FSTL5: variants seen among roughly 807,000 people sequenced by gnomAD.
The protein encoded by FSTL5 is follistatin like 5, also known as follistatin-related protein 5.
Under a neutral mutation model 89.1 loss-of-function variants are expected in FSTL5, and 62 were observed. The ratio of observed to expected loss-of-function variants is 0.70; its 90% CI spans 0.57 to 0.86. FSTL5 has a LOEUF of 0.86. Among genes scored for constraint, FSTL5 ranks in the 40% least tolerant of loss-of-function variants. The probability of loss-of-function intolerance (pLI) is 0.00; values close to 1 mark genes in which losing one functional copy is unlikely to be tolerated. For missense variants in FSTL5, 1,057 were observed against 1,001.6 expected (o/e 1.06, Z -0.75); for synonymous variants, 383 against 346.2 (o/e 1.11, Z -1.18).
chr4:161,538,128 T>C (rs943343042), intron 10 of FSTL5, 38 bp downstream of exon 10: 1 of 1,601,830 alleles, frequency 6.2e-7, no homozygotes, highest in Admixed American at 1.7e-5. Context: ...GTACGTTGAA[T>C]ATGGTGTGTG....
At position 161,448,100 on chromosome 4, in the gene FSTL5, T is replaced by A. The variant is rs138497304; in HGVS notation, c.1841+6904A>T. 1.9e-3 allele frequency among the ~76,000 whole-genome samples: 287 copies of A among 152,100 alleles called. 1 individual carries two copies. Among genetic ancestry groups the A allele is most frequent in the African/African-American group, 6.8e-3 (282 of 41,500 alleles). On this transcript the variant is annotated intron_variant, in intron 15 of 15. Transcript: ENST00000306100. ...TTTCAATATTCACTTTTTGAGAGAG[T>A]GTAGACAGAGTTGGCTTCCTGGGAT...
intron 15 of FSTL5, among the ~76,000 whole-genome samples, chr4:161,404,316 A>T (rs912317993): frequency 2.0e-5 from 3 of 152,208 alleles, no homozygotes; most frequent in African/African-American, 7.2e-5. Flanking sequence ...AATTCTCAGG[A>T]GAGGATTATT....
intron 11 of FSTL5, among the ~76,000 whole-genome samples, chr4:161,506,424 T>A (rs77755313): frequency 0.04 from 6,149 of 152,182 alleles, 182 homozygotes; most frequent in East Asian, 0.13. Context: ...GTAATTTTTT[T>A]AATTTTTGTT....
intron 2 of FSTL5, among the ~76,000 whole-genome samples, chr4:162,092,246 T>G (rs374064963): frequency 1.1e-4 from 16 of 152,194 alleles, no homozygotes; most frequent in African/African-American, 2.9e-4. Context: ...TTCCAGGTGA[T>G]GCTAATGTCT....
chr4:161,711,352 A>G lies in FSTL5; in HGVS notation c.727+48059T>C, dbSNP rs78287997. Among the ~76,000 whole-genome samples, 53 of 152,160 alleles carry G rather than the reference A, an allele frequency of 3.5e-4. No homozygotes were observed. The East Asian group carries it at 7.1e-3, about 20-fold the overall frequency. Reference sequence around the variant, plus strand: ...ACCACTAACAACCTTAAAGAAAACAAAAAGAATTGCTGGAGAGTACTATGA... The same window carrying G: ...ACCACTAACAACCTTAAAGAAAACAGAAAGAATTGCTGGAGAGTACTATGA... On this transcript the variant is annotated intron_variant, in intron 6 of 15. Coordinates refer to ENST00000306100, the MANE Select transcript of FSTL5 (RefSeq NM_020116.5).
chr4:161,770,260 G>A (rs1343162808), intron 5 of FSTL5, among the ~76,000 whole-genome samples: 1 of 151,822 alleles, frequency 6.6e-6, no homozygotes, highest in African/African-American at 2.4e-5. Context: ...GATGGTCAAT[G>A]GGTAATGAAT....
In FSTL5 at chr4:161,481,161, G is replaced by C. The variant is rs749910724; in HGVS notation, c.1467C>G (p.Val489=). The change falls in exon 13 of 16, where the codon GTC becomes GTG. Residue 489 remains valine (V), a synonymous_variant. Coordinates refer to ENST00000306100, the MANE Select transcript of FSTL5 (RefSeq NM_020116.5). ...SEKLLGFQDE[V]CPKAEGDEVQ... Reference sequence around the variant, plus strand: ...CTTCATCTCCCTCAGCTTTGGGACAGACTTCATCCTGTAATTTAGGAAAGA... The same window carrying C: ...CTTCATCTCCCTCAGCTTTGGGACACACTTCATCCTGTAATTTAGGAAAGA... 1.3e-5 allele frequency: 20 copies of C among 1,597,464 alleles called. No individual in the cohort carries two copies. The highest frequency in any genetic ancestry group is 1.5e-5 in the Non-Finnish European group (18 of 1,172,682).
At chr4:161,818,369 C>T (rs985296025) in intron 4 of FSTL5, among the ~76,000 whole-genome samples, 7 of 152,200 alleles carry the variant, frequency 4.6e-5, no homozygotes, top group Admixed American at 2.6e-4. Context: ...CGATTATTTC[C>T]AGACATCAAG....
intron 13 of FSTL5, among the ~76,000 whole-genome samples, chr4:161,475,003 G>A (rs1349501293): frequency 6.7e-6 from 1 of 148,750 alleles, no homozygotes; most frequent in Non-Finnish European, 1.5e-5. Context: ...GACAATTTTT[G>A]TGGGATATAG....
chr4:161,549,773 C>A (rs2126554806), intron 8 of FSTL5, among the ~76,000 whole-genome samples: 1 of 152,014 alleles, frequency 6.6e-6, no homozygotes, highest in African/African-American at 2.4e-5. Flanking sequence ...TTTCTTTCAG[C>A]CATCAGAATG....
chr4:161,392,040 T>C (rs2110878285), intron 15 of FSTL5, among the ~76,000 whole-genome samples: 1 of 152,316 alleles, frequency 6.6e-6, no homozygotes, highest in East Asian at 1.9e-4. Context: ...TTATTTTCTT[T>C]CAGTATTCTA....
chr4:161,923,735 T>C (rs1290955005), intron 3 of FSTL5, among the ~76,000 whole-genome samples: 2 of 151,746 alleles, frequency 1.3e-5, no homozygotes, highest in Non-Finnish European at 3.0e-5. Flanking sequence ...ATGTCATATC[T>C]AGTATATATA....
At chr4:161,407,344 C>T (rs1222272089) in intron 15 of FSTL5, among the ~76,000 whole-genome samples, 3 of 152,078 alleles carry the variant, frequency 2.0e-5, no homozygotes, top group Non-Finnish European at 4.4e-5. Flanking sequence ...TTCTACTACA[C>T]CAACATAATT....
chr4:161,682,498 A>G (rs1737559044), intron 6 of FSTL5, among the ~76,000 whole-genome samples: 1 of 152,182 alleles, frequency 6.6e-6, no homozygotes, highest in Non-Finnish European at 1.5e-5. Context: ...TTCTAATTTT[A>G]AAATGTTTTA....
chr4:162,069,428 A>G (rs1436833884), intron 2 of FSTL5, among the ~76,000 whole-genome samples: 1 of 151,964 alleles, frequency 6.6e-6, no homozygotes, highest in Non-Finnish European at 1.5e-5. Context: ...ATTTTAAAAT[A>G]TACAATAAAT....
At chr4:162,122,829 G>A (rs1731924291) in intron 1 of FSTL5, among the ~76,000 whole-genome samples, 1 of 152,040 alleles carries the variant, frequency 6.6e-6, no homozygotes, top group Non-Finnish European at 1.5e-5. Flanking sequence ...ACCTAAGTTT[G>A]CGTAGTGTAA....
chr4:161,461,106 A>C (rs1225934024), intron 13 of FSTL5, among the ~76,000 whole-genome samples: 4 of 151,728 alleles, frequency 2.6e-5, no homozygotes, highest in African/African-American at 9.7e-5. Flanking sequence ...GTGCTGTCCT[A>C]TGAGGATATT....
Position 162,143,785 on chromosome 4 carries a change from T to TACACACAC in FSTL5, c.-17+19822_-17+19829dup, listed in dbSNP as rs70946245. ...AGGTTACATTGTATCTGACTTTAAA[T>TACACACAC]ACACACACACACACACACACACACA... On this transcript the variant is annotated intron_variant, in intron 1 of 15. Transcript: ENST00000306100. Among the ~76,000 whole-genome samples, 675 of 138,634 alleles carry TACACACAC rather than the reference T, an allele frequency of 4.9e-3. 3 individuals carry two copies. Among genetic ancestry groups the TACACACAC allele is most frequent in the African/African-American group, 0.017 (622 of 37,216 alleles). The allele number at this position is 138,634 out of a possible 152,430, so 90.9% of individuals were successfully genotyped here.
intron 2 of FSTL5, among the ~76,000 whole-genome samples, chr4:162,066,318 T>TTCTTTCTTCTTCC (rs1561000381): frequency 2.5e-5 from 1 of 40,398 alleles, no homozygotes; most frequent in African/African-American, 8.5e-5. Context: ...CTTCTTCTTC[T>TTCTTTCTTCTTCC]TCTTCTTCTT....
Sources: gnomAD v4.1 joint callset for allele counts (sites outside exome capture counted in the v4.1 genomes callset) on GRCh38, gnomAD v4.1.1 for gene constraint, MANE v1.5 for transcripts, NCBI Gene and HGNC (gene_info 2026-07-23, HGNC 2026-07-21) for gene names.